FREM2: variants seen among roughly 807,000 people sequenced by gnomAD.
The protein encoded by FREM2 is FRAS1-related extracellular matrix protein 2.
Under a neutral mutation model 219.9 loss-of-function variants are expected in FREM2, and 119 were observed. The ratio of observed to expected loss-of-function variants is 0.54; its 90% CI spans 0.47 to 0.63. FREM2 has a LOEUF of 0.63. FREM2 is among the 30% of genes least tolerant of loss of function. The probability of loss-of-function intolerance (pLI) is 0.00; values close to 1 mark genes in which losing one functional copy is unlikely to be tolerated. For missense variants in FREM2, 4,030 were observed against 3,993.6 expected (o/e 1.01, Z -0.25); for synonymous variants, 1,562 against 1,522.8 (o/e 1.03, Z -0.60).
In FREM2 at chr13:38,855,231, G is replaced by A. The variant is rs564798012; in HGVS notation, c.6926-895G>A. On this transcript the variant is annotated intron_variant, in intron 11 of 23. Transcript: ENST00000280481. ...CAGGGTGAAGGGAAAAAAATCATTA[G>A]CATTTATCTAAAATAACTTGTCTAA... Among the ~76,000 whole-genome samples the A allele has an allele frequency of 5.9e-5, 9 of 152,116 alleles. No homozygotes were observed. The South Asian group carries it at 1.2e-3, about 21-fold the overall frequency.
rs1171887160 is a variant in FREM2 at position 38,688,968 on chromosome 13, A to G, written c.1624A>G (p.Arg542Gly). The change falls in exon 1 of 24, where the codon AGG (arginine) becomes GGG (glycine). Residue 542 changes from arginine (R) to glycine (G), a missense_variant. Arg to Gly is a moderately radical substitution (Grantham distance 125). This residue lies in a region of FREM2 where 3,102 missense variants were observed against 2,950.7 expected (regional missense o/e 1.05). Transcript: ENST00000280481. ...GCTTCGCATGGTGGATGGAGGAGGC[A>G]GGCACCAGGTACAGTTTCTGTTCCC... ...LVLRMVDGGG[R>G]HQVQFLFPIT... 3 of 1,613,650 alleles carry G rather than the reference A, an allele frequency of 1.9e-6. No homozygotes were observed. The highest frequency in any genetic ancestry group is 1.7e-4 in the Middle Eastern group (1 of 6,034).
chr13:38,872,285 G>C (rs950730138), intron 16 of FREM2, among the ~76,000 whole-genome samples: 1 of 152,280 alleles, frequency 6.6e-6, no homozygotes, highest in African/African-American at 2.4e-5. Flanking sequence ...AGGGACTGAC[G>C]GGGAGGAGGG....
At chr13:38,796,136 T>G (rs1874769890) in intron 6 of FREM2, among the ~76,000 whole-genome samples, 1 of 152,152 alleles carries the variant, frequency 6.6e-6, no homozygotes. Context: ...TACCTGGATC[T>G]CATCCATAAC....
chr13:38,813,461 GTT>G (rs1875575430), intron 6 of FREM2, among the ~76,000 whole-genome samples: 4 of 60,624 alleles, frequency 6.6e-5, no homozygotes, highest in South Asian at 1.3e-3. Context: ...TATGTTATTT[GTT>G]TTCTCTCTCT....
intron 6 of FREM2, among the ~76,000 whole-genome samples, chr13:38,820,200 C>T (rs1226844388): frequency 6.6e-6 from 1 of 152,110 alleles, no homozygotes; most frequent in Non-Finnish European, 1.5e-5. Flanking sequence ...CATCATCTAG[C>T]AAATGACCCG....
At chr13:38,850,368 A>G in intron 9 of FREM2, 133 bp downstream of exon 9, 1 of 760,840 alleles carries the variant, frequency 1.3e-6, no homozygotes. Context: ...ATAAATGAGG[A>G]AAGTGAAATC....
At chr13:38,735,107 G>C (rs1871936908) in intron 2 of FREM2, among the ~76,000 whole-genome samples, 1 of 152,100 alleles carries the variant, frequency 6.6e-6, no homozygotes, top group Admixed American at 6.5e-5. Context: ...GCTGGATTCT[G>C]ATATCTGATT....
At chr13:38,763,675 T>C (rs1297853286) in intron 2 of FREM2, among the ~76,000 whole-genome samples, 1 of 152,126 alleles carries the variant, frequency 6.6e-6, no homozygotes, top group Non-Finnish European at 1.5e-5. Context: ...GTTTATTTTC[T>C]GCTGATAGGC....
At chr13:38,827,989 C>A (rs1876359610) in intron 6 of FREM2, among the ~76,000 whole-genome samples, 1 of 152,164 alleles carries the variant, frequency 6.6e-6, no homozygotes, top group Admixed American at 6.6e-5. Context: ...AAACTTATTA[C>A]ATGAGTACCA....
intron 16 of FREM2, among the ~76,000 whole-genome samples, chr13:38,867,896 C>A (rs1878028814): frequency 6.6e-6 from 1 of 152,216 alleles, no homozygotes; most frequent in African/African-American, 2.4e-5. Context: ...GAGGATGGGT[C>A]TTCCTTACTC....
chr13:38,768,385 A>G (rs1045472331), intron 3 of FREM2, among the ~76,000 whole-genome samples: 6 of 152,088 alleles, frequency 3.9e-5, no homozygotes, highest in Admixed American at 6.5e-5. Context: ...GGCTCAGGTG[A>G]TCCACCTCAG....
chr13:38,697,722 G>T lies in FREM2; in HGVS notation c.5198G>T (p.Cys1733Phe). ...GCTGACATTGATGACATGAAAATAT[G>T]CTATGTCTTAAGAGAAGGGGCTAAT... is the stretch of plus-strand genomic sequence containing the variant. Reference protein sequence around the residue: ...TQADIDDMKICYVLREGANAT... With the variant: ...TQADIDDMKIFYVLREGANAT... The change falls in exon 2 of 24, where the codon TGC becomes TTC. Residue 1733 changes from cysteine (C) to phenylalanine (F), a missense_variant. This residue lies in a region of FREM2 where 3,102 missense variants were observed against 2,950.7 expected (regional missense o/e 1.05). Transcript: ENST00000280481. 6.2e-7 allele frequency: 1 copy of T among 1,605,010 alleles called. No homozygotes were observed. Among genetic ancestry groups the T allele is most frequent in the South Asian group, 1.1e-5 (1 of 90,878 alleles).
At chr13:38,763,010 A>G (rs188677298) in intron 2 of FREM2, among the ~76,000 whole-genome samples, 3 of 152,318 alleles carry the variant, frequency 2.0e-5, no homozygotes, top group South Asian at 2.1e-4. Context: ...AAATATTGCA[A>G]TGAATAGTTC....
chr13:38,793,150 T>C (rs1874630187), intron 6 of FREM2, among the ~76,000 whole-genome samples: 1 of 152,214 alleles, frequency 6.6e-6, no homozygotes, highest in Non-Finnish European at 1.5e-5. Context: ...AGCACCTGTG[T>C]GCCTGCACAT....
chr13:38,711,861 AAC>A (rs1329508187), intron 2 of FREM2, among the ~76,000 whole-genome samples: 1 of 152,012 alleles, frequency 6.6e-6, no homozygotes, highest in Admixed American at 6.6e-5. Flanking sequence ...AGTGACCACA[AAC>A]AGTTTTAAAT....
In FREM2 at chr13:38,880,467, G is replaced by A. The variant is rs867247633; in HGVS notation, c.9190G>A (p.Glu3064Lys). Residue 3064 changes from glutamate (E) to lysine (K), a missense_variant, in exon 24 of 24, where the codon GAG becomes AAG. Transcript: ENST00000280481. ...CAGGAGCACACCCTCACTGGCATGG[G>A]AGATTGGTGCTGAAAACAGTCGAGG... ...EIRSTPSLAW[E>K]IGAENSRGTN... 6.2e-7 allele frequency: 1 copy of A among 1,613,936 alleles called. No individual in the cohort carries two copies. The highest frequency in any genetic ancestry group is 1.3e-5 in the African/African-American group (1 of 74,880).
At chr13:38,757,603 CT>C (rs1180373134) in intron 2 of FREM2, among the ~76,000 whole-genome samples, 16 of 147,500 alleles carry the variant, frequency 1.1e-4, no homozygotes, top group Admixed American at 1.4e-4. Context: ...TTTTTTTTCT[CT>C]TTTTTTTTTA....
intron 6 of FREM2, among the ~76,000 whole-genome samples, chr13:38,824,961 T>C (rs1009052840): frequency 7.3e-5 from 11 of 150,402 alleles, no homozygotes; most frequent in African/African-American, 2.4e-4. Context: ...GCTTGAAAGC[T>C]AAAGAAAAGG....
rs759618547 is a variant in FREM2 at position 38,692,435 on chromosome 13, A to G, written c.5091A>G (p.Arg1697=). The change falls in exon 1 of 24, where the codon AGA becomes AGG. Residue 1697 remains arginine (R), a synonymous_variant. Coordinates refer to ENST00000280481, the MANE Select transcript of FREM2 (RefSeq NM_207361.6). Reference sequence around the variant, plus strand: ...GAGACAGCTTACACATTTCTCTTAGATTTATCGTGACAGAGGCCCCTCAAC... The same window carrying G: ...GAGACAGCTTACACATTTCTCTTAGGTTTATCGTGACAGAGGCCCCTCAAC... ...EDRDSLHISL[R]FIVTEAPQHG... 6.2e-7 allele frequency: 1 copy of G among 1,613,928 alleles called. No individual in the cohort carries two copies. The highest frequency in any genetic ancestry group is 8.5e-7 in the Non-Finnish European group (1 of 1,179,978).
Sources: gnomAD v4.1 joint callset for allele counts (sites outside exome capture counted in the v4.1 genomes callset) on GRCh38, gnomAD v4.1.1 for gene constraint, gnomAD v4.1.1 regional missense constraint, MANE v1.5 for transcripts, NCBI Gene and HGNC (gene_info 2026-07-23, HGNC 2026-07-21) for gene names.